Variants in MAML3 observed in about 807,000 individuals in gnomAD.
The protein encoded by MAML3 is mastermind-like protein 3.
MAML3 carries 27 observed loss-of-function variants against 101.9 expected under a neutral mutation model. The observed-to-expected ratio is 0.27, with a 90% CI of 0.20 to 0.37. The LOEUF (loss-of-function observed/expected upper bound fraction) is 0.37, where lower values mean the gene tolerates loss of function less well. MAML3 is among the 10% of genes least tolerant of loss of function. MAML3 has a pLI of 1.00. For synonymous variants in MAML3, 501 were observed against 555.9 expected (o/e 0.90, Z 1.39); for missense variants, 1,316 against 1,444.9 (o/e 0.91, Z 1.45).
In MAML3 at chr4:140,153,432, G is replaced by T; in HGVS notation, c.-105C>A. The T allele has an allele frequency of 1.6e-6, 2 of 1,287,478 alleles. No homozygotes were observed. The highest frequency in any genetic ancestry group is 1.8e-5 in the South Asian group (1 of 56,926). The allele number at this position is 1,287,478 out of a possible 1,614,324, so 79.8% of individuals were successfully genotyped here. On this transcript the variant is annotated 5_prime_UTR_variant, in exon 1 of 5. Transcript: ENST00000509479. ...AAAATAGTTTAAGTGGAACGCGGGG[G>T]AGACGCAAGCACATGGATGGAAACG...
At chr4:139,952,351 C>T (rs1553965857) in intron 1 of MAML3, among the ~76,000 whole-genome samples, 1 of 151,924 alleles carries the variant, frequency 6.6e-6, no homozygotes, top group Non-Finnish European at 1.5e-5. Context: ...GTCTCTCTGT[C>T]CAGAGATATG....
chr4:139,916,070 G>A (rs1193490156), intron 1 of MAML3, among the ~76,000 whole-genome samples: 1 of 152,198 alleles, frequency 6.6e-6, no homozygotes, highest in Non-Finnish European at 1.5e-5. Flanking sequence ...TTACACAAAT[G>A]AGGAAACTGG....
chr4:140,096,214 C>G (rs1310671772), intron 1 of MAML3, among the ~76,000 whole-genome samples: 1 of 152,160 alleles, frequency 6.6e-6, no homozygotes. Context: ...CTTTGGGGTA[C>G]TTAATAACTT....
intron 1 of MAML3, among the ~76,000 whole-genome samples, chr4:139,925,193 G>A (rs1733197041): frequency 6.6e-6 from 1 of 152,018 alleles, no homozygotes; most frequent in Non-Finnish European, 1.5e-5. Context: ...GCAAGGGGTG[G>A]GAGAGAGGAT....
At chr4:139,909,224 T>C (rs982272607) in intron 1 of MAML3, among the ~76,000 whole-genome samples, 1 of 152,154 alleles carries the variant, frequency 6.6e-6, no homozygotes, top group Admixed American at 6.5e-5. Context: ...CTATACCTCA[T>C]GGAAAGGATT....
At chr4:140,031,610 G>C (rs1271159219) in intron 1 of MAML3, among the ~76,000 whole-genome samples, 4 of 152,186 alleles carry the variant, frequency 2.6e-5, no homozygotes, top group African/African-American at 9.7e-5. Context: ...GTTATACAAA[G>C]ATCTTCAATG....
At chr4:139,959,596 C>T (rs572014967) in intron 1 of MAML3, among the ~76,000 whole-genome samples, 5 of 152,260 alleles carry the variant, frequency 3.3e-5, no homozygotes, top group Admixed American at 1.3e-4. Flanking sequence ...TCCGCCTCAG[C>T]GAGTGGCAGG....
At chr4:140,049,792 G>A (rs1329497071) in intron 1 of MAML3, among the ~76,000 whole-genome samples, 1 of 151,944 alleles carries the variant, frequency 6.6e-6, no homozygotes, top group East Asian at 1.9e-4. Flanking sequence ...GAGTTTACTC[G>A]GTTTTACTTT....
chr4:139,824,684 A>C (rs548563994), intron 2 of MAML3, among the ~76,000 whole-genome samples: 3 of 152,188 alleles, frequency 2.0e-5, no homozygotes, highest in Admixed American at 6.5e-5. Context: ...ATCAAGCAAG[A>C]CTGTTCAATA....
chr4:140,068,051 G>T (rs1727570145), intron 1 of MAML3, among the ~76,000 whole-genome samples: 1 of 152,052 alleles, frequency 6.6e-6, no homozygotes, highest in African/African-American at 2.4e-5. Flanking sequence ...TTCTTAATCT[G>T]CTTTTTGTGA....
At chr4:140,037,755 G>A (rs1055898995) in intron 1 of MAML3, among the ~76,000 whole-genome samples, 3 of 152,200 alleles carry the variant, frequency 2.0e-5, no homozygotes, top group African/African-American at 2.4e-5. Context: ...CCTAAGGTAC[G>A]TGTATTTCAA....
chr4:140,147,334 G>C (rs1729081899), intron 1 of MAML3, among the ~76,000 whole-genome samples: 1 of 152,050 alleles, frequency 6.6e-6, no homozygotes, highest in Non-Finnish European at 1.5e-5. Context: ...TTTATTATTT[G>C]TGCTAAGTAA....
chr4:139,994,144 T>C (rs959064452), intron 1 of MAML3, among the ~76,000 whole-genome samples: 1 of 152,224 alleles, frequency 6.6e-6, no homozygotes, highest in African/African-American at 2.4e-5. Flanking sequence ...CTGACCATAA[T>C]ATAAGCATTT....
intron 2 of MAML3, among the ~76,000 whole-genome samples, chr4:139,860,726 A>G (rs1017745176): frequency 6.6e-6 from 1 of 152,140 alleles, no homozygotes; most frequent in Non-Finnish European, 1.5e-5. Flanking sequence ...CTATGTATAC[A>G]TATACCTATG....
intron 2 of MAML3, among the ~76,000 whole-genome samples, chr4:139,750,715 TA>T (rs1405430834): frequency 1.3e-5 from 2 of 152,350 alleles, no homozygotes; most frequent in Admixed American, 1.3e-4. Flanking sequence ...TTTCTTTGTA[TA>T]TTCTACCTAA....
chr4:139,864,687 A>AAG (rs1489506211), intron 2 of MAML3, among the ~76,000 whole-genome samples: 1 of 150,034 alleles, frequency 6.7e-6, no homozygotes, highest in African/African-American at 2.4e-5. Context: ...AAAAAAAAAA[A>AAG]AAAAAAAAAA....
chr4:139,759,284 G>A (rs1296395794), intron 2 of MAML3, among the ~76,000 whole-genome samples: 1 of 152,234 alleles, frequency 6.6e-6, no homozygotes, highest in East Asian at 1.9e-4. Flanking sequence ...CCAGAGGGAT[G>A]GGGGACTCCA....
chr4:140,117,462 T>G (rs1728534861), intron 1 of MAML3, among the ~76,000 whole-genome samples: 1 of 152,156 alleles, frequency 6.6e-6, no homozygotes, highest in East Asian at 1.9e-4. Context: ...TACAGAATAT[T>G]TATTTCCTTA....
intron 1 of MAML3, among the ~76,000 whole-genome samples, chr4:140,131,367 G>C (rs1369288967): frequency 6.6e-6 from 1 of 152,198 alleles, no homozygotes; most frequent in Non-Finnish European, 1.5e-5. Context: ...AGTGGTAAGG[G>C]AGTAGAGGGA....
Sources: allele counts gnomAD v4.1 joint callset (sites outside exome capture counted in the v4.1 genomes callset), GRCh38; gene constraint gnomAD v4.1.1; transcripts MANE v1.5; gene names NCBI Gene and HGNC (gene_info 2026-07-23, HGNC 2026-07-21).